WDR70: variants seen among roughly 807,000 people sequenced by gnomAD.
The protein encoded by WDR70 is WD repeat domain 70, also known as WD repeat-containing protein 70.
Under a neutral mutation model 88.6 loss-of-function variants are expected in WDR70, and 53 were observed. The observed-to-expected ratio is 0.60, with a 90% CI of 0.48 to 0.75. WDR70 has a LOEUF of 0.75. WDR70 is among the 30% of genes least tolerant of loss of function. The probability of loss-of-function intolerance (pLI) is 0.00; values close to 1 mark genes in which losing one functional copy is unlikely to be tolerated. For missense variants in WDR70, 610 were observed against 823.2 expected, an observed-to-expected ratio of 0.74 and a Z score of 3.17; for synonymous variants, 280 against 270.0, an observed-to-expected ratio of 1.04 and a Z score of -0.36.
chr5:37,527,970 C>T (rs28764855), intron 9 of WDR70, among the ~76,000 whole-genome samples: 2,953 of 152,224 alleles, frequency 0.019, 86 homozygotes, highest in African/African-American at 0.067. Flanking sequence ...ATTAAAAACT[C>T]AGGAAACAAT....
chr5:37,506,965 C>T, intron 8 of WDR70: 1 of 671,386 alleles, frequency 1.5e-6, no homozygotes, highest in African/African-American at 1.8e-5. Flanking sequence ...CTTGGATTCA[C>T]CTCCCTTTGC....
intron 9 of WDR70, among the ~76,000 whole-genome samples, chr5:37,533,062 G>C (rs183361860): frequency 2.6e-4 from 39 of 152,300 alleles, no homozygotes; most frequent in Non-Finnish European, 4.9e-4. Context: ...TGGAGCTACT[G>C]AGCTTCAGGC....
chr5:37,426,536 G>C (rs540689703), intron 5 of WDR70, among the ~76,000 whole-genome samples: 1 of 152,290 alleles, frequency 6.6e-6, no homozygotes, highest in South Asian at 2.1e-4. Flanking sequence ...TTAGCATATA[G>C]CATGTTCACC....
intron 13 of WDR70, among the ~76,000 whole-genome samples, chr5:37,703,941 G>A (rs993781054): frequency 3.9e-5 from 6 of 152,068 alleles, no homozygotes; most frequent in Non-Finnish European, 8.8e-5. Flanking sequence ...TCAGCTCTTT[G>A]TAAACAGTTG....
chr5:37,528,953 C>G (rs1480646893), intron 9 of WDR70, among the ~76,000 whole-genome samples: 1 of 91,220 alleles, frequency 1.1e-5, no homozygotes. Flanking sequence ...TTTATGGTTT[C>G]AGGTCTTAGA....
intron 10 of WDR70, among the ~76,000 whole-genome samples, chr5:37,691,371 T>C (rs952938020): frequency 2.0e-5 from 3 of 152,158 alleles, no homozygotes; most frequent in Non-Finnish European, 4.4e-5. Context: ...CTAGTAGACA[T>C]GTACAGAACT....
At chr5:37,675,824 C>T (rs551840217) in intron 10 of WDR70, among the ~76,000 whole-genome samples, 1 of 152,162 alleles carries the variant, frequency 6.6e-6, no homozygotes, top group African/African-American at 2.4e-5. Context: ...TTACCTTGGG[C>T]AGTATGGCCA....
chr5:37,455,636 C>CTT (rs59254502), intron 7 of WDR70, among the ~76,000 whole-genome samples: 4 of 70,440 alleles, frequency 5.7e-5, no homozygotes, highest in African/African-American at 9.3e-5. Context: ...TTCTCTTTAT[C>CTT]TTTTTTTTTT....
At chr5:37,706,476 G>A (rs191789351) in intron 13 of WDR70, among the ~76,000 whole-genome samples, 75 of 152,162 alleles carry the variant, frequency 4.9e-4, no homozygotes, top group African/African-American at 1.7e-3. Context: ...GGTCTTTTCC[G>A]TGCTGTTCTT....
chr5:37,487,268 A>G (rs1739901690), intron 8 of WDR70, among the ~76,000 whole-genome samples: 2 of 152,106 alleles, frequency 1.3e-5, no homozygotes, highest in African/African-American at 4.8e-5. Flanking sequence ...AGGAAATGTT[A>G]CTGATATCTT....
intron 10 of WDR70, among the ~76,000 whole-genome samples, chr5:37,641,252 A>G (rs977956192): frequency 6.6e-6 from 1 of 151,542 alleles, no homozygotes; most frequent in African/African-American, 2.4e-5. Context: ...AGTAGCTGGG[A>G]TTATAGGCCT....
At chr5:37,543,236 G>T (rs1405515310) in intron 9 of WDR70, among the ~76,000 whole-genome samples, 2 of 152,076 alleles carry the variant, frequency 1.3e-5, no homozygotes, top group Non-Finnish European at 2.9e-5. Flanking sequence ...TACCTAGCTG[G>T]CTGGTTGATG....
In WDR70 at chr5:37,513,455, T is replaced by C. The variant is rs563957078; in HGVS notation, c.841-3059T>C. 4.6e-5 allele frequency among the ~76,000 whole-genome samples: 7 copies of C among 152,216 alleles called. No homozygotes were observed. The South Asian group carries it at 1.5e-3, about 32-fold the overall frequency. On this transcript the variant is annotated intron_variant, in intron 8 of 17. Coordinates refer to ENST00000265107, the MANE Select transcript of WDR70 (RefSeq NM_018034.4). ...GGAAGTGGCTGGTATGTGCTGGGCA[T>C]GAGGGAACACAAAATAAGTGAAGAT...
At chr5:37,559,046 G>A (rs1019433764) in intron 9 of WDR70, among the ~76,000 whole-genome samples, 1 of 151,858 alleles carries the variant, frequency 6.6e-6, no homozygotes, top group African/African-American at 2.4e-5. Context: ...CGATTCTCCT[G>A]CCTCAGCCTC....
chr5:37,561,149 C>T (rs2112375690), intron 9 of WDR70, among the ~76,000 whole-genome samples: 1 of 152,244 alleles, frequency 6.6e-6, no homozygotes. Context: ...AAGAAGATGA[C>T]TGTGATTGGC....
At chr5:37,634,400 G>A (rs560560750) in intron 10 of WDR70, among the ~76,000 whole-genome samples, 1 of 151,726 alleles carries the variant, frequency 6.6e-6, no homozygotes, top group African/African-American at 2.4e-5. Context: ...GCTGTACTCT[G>A]TATGTTACAA....
chr5:37,441,540 C>T (rs1397021312), intron 6 of WDR70, among the ~76,000 whole-genome samples: 2 of 152,152 alleles, frequency 1.3e-5, no homozygotes, highest in Non-Finnish European at 2.9e-5. Context: ...TTGACTCTGG[C>T]CAGGTGCCGT....
chr5:37,417,726 T>A (rs1389478267), intron 5 of WDR70, among the ~76,000 whole-genome samples: 1 of 152,094 alleles, frequency 6.6e-6, no homozygotes, highest in East Asian at 1.9e-4. Context: ...ACCTTATTCT[T>A]TGTAGAGGTG....
chr5:37,479,776 G>C (rs1006886824), intron 7 of WDR70, 58 bp from the exon 8 acceptor site: 1 of 1,524,082 alleles, frequency 6.6e-7, no homozygotes, highest in African/African-American at 1.4e-5. Context: ...ACTTAATGTA[G>C]TAAAATTATA....
Sources: allele counts gnomAD v4.1 joint callset (sites outside exome capture counted in the v4.1 genomes callset), GRCh38; gene constraint gnomAD v4.1.1; transcripts MANE v1.5; gene names NCBI Gene and HGNC (gene_info 2026-07-23, HGNC 2026-07-21).